Variants in PDP2 observed in about 807,000 individuals in gnomAD.
PDP2 encodes [Pyruvate dehydrogenase [acetyl-transferring]]-phosphatase 2, mitochondrial.
A neutral mutation model predicts 34.2 loss-of-function variants in PDP2; 23 were observed. That is an observed-to-expected ratio of 0.67 (90% confidence interval 0.48 to 0.95). The LOEUF (loss-of-function observed/expected upper bound fraction) is 0.95. Ranked by LOEUF, PDP2 falls within the 40% of genes least tolerant of loss-of-function variation. PDP2 has a pLI of 0.00. For synonymous variants in PDP2, 275 were observed against 269.2 expected, an observed-to-expected ratio of 1.02 and a Z score of -0.21; for missense variants, 571 against 659.6, an observed-to-expected ratio of 0.87 and a Z score of 1.47.
Position 66,884,494 on chromosome 16 carries a change from A to G in PDP2, c.210A>G (p.Glu70=). The G allele has an allele frequency of 6.2e-7, 1 of 1,614,208 alleles. No individual in the cohort carries two copies. The highest frequency in any genetic ancestry group is 8.5e-7 in the Non-Finnish European group (1 of 1,180,034). ...CCTACAGACACACATCAACAGAGGA[A>G]GATGATTTTCACTTGCAACTCAGCC... The part of the protein sequence containing the change: ...CKAYRHTSTE[E]DDFHLQLSPE... Residue 70 remains glutamate (E), a synonymous_variant, in exon 2 of 2, where the codon GAA becomes GAG. Coordinates refer to ENST00000311765, the MANE Select transcript of PDP2 (RefSeq NM_020786.4).
rs1410557907 is a variant in PDP2 at position 66,889,638 on chromosome 16, G to T, written c.*3764G>T. On this transcript the variant is annotated 3_prime_UTR_variant, in exon 2 of 2. Transcript: ENST00000311765. ...TATAACTGCATCTCTCTTGATTCTG[G>T]GGCTTGGTAAAAATGGATAGATAAG... 1 of 151,964 alleles carries T rather than the reference G, an allele frequency of 6.6e-6. No homozygotes were observed. Among genetic ancestry groups the T allele is most frequent in the African/African-American group, 2.4e-5 (1 of 41,366 alleles). The allele number at this position is 151,964 out of a possible 1,614,324, so 9.4% of individuals were successfully genotyped here.
Position 66,885,478 on chromosome 16 carries a change from C to T in PDP2, c.1194C>T (p.His398=). 6.2e-7 allele frequency: 1 copy of T among 1,614,028 alleles called. No homozygotes were observed. ...YLTAEPEVTY[H]RLRPQDKFLV... Reference sequence around the variant, plus strand: ...CTGCTGAGCCTGAGGTCACATACCACAGGCTGAGGCCCCAGGATAAGTTCC... The same window carrying T: ...CTGCTGAGCCTGAGGTCACATACCATAGGCTGAGGCCCCAGGATAAGTTCC... The change falls in exon 2 of 2, where the codon CAC becomes CAT. Residue 398 remains histidine (H), a synonymous_variant. Coordinates refer to ENST00000311765, the MANE Select transcript of PDP2 (RefSeq NM_020786.4). This position sits in a 1 kb window ranked among gnomAD's most constrained non-coding sequence, Gnocchi z 4.6.
Position 66,885,540 on chromosome 16 carries a change from G to A in PDP2, c.1256G>A (p.Ser419Asn), listed in dbSNP as rs1961721477. ...TCAGATGGCCTGTGGGACATGCTGA[G>A]CAATGAGGACGTGGTAAGGCTGGTG... is the stretch of plus-strand genomic sequence containing the variant. ...LASDGLWDML[S>N]NEDVVRLVVG... The change falls in exon 2 of 2, where the codon AGC becomes AAC. Residue 419 changes from serine to asparagine, a missense_variant. Transcript: ENST00000311765. This position sits in a 1 kb window ranked among gnomAD's most constrained non-coding sequence, Gnocchi z 4.6. 3.7e-6 allele frequency: 6 copies of A among 1,614,116 alleles called. No individual in the cohort carries two copies. Among genetic ancestry groups the A allele is most frequent in the Non-Finnish European group, 5.1e-6 (6 of 1,180,040 alleles).
In PDP2 at chr16:66,884,256, A is replaced by G; in HGVS notation, c.-29A>G. 1 of 1,497,990 alleles carries G rather than the reference A, an allele frequency of 6.7e-7. No homozygotes were observed. The allele number at this position is 1,497,990 out of a possible 1,614,324, so 92.8% of individuals were successfully genotyped here. A position where few individuals can be genotyped will look rare whatever the true frequency, so the allele number is the denominator to read the frequency against. On this transcript the variant is annotated 5_prime_UTR_variant, in exon 2 of 2. Transcript: ENST00000311765. ...GTTTAAAAATATCCTTTTTTGCTGA[A>G]GGAACACATTTGCTGGTATAGTTTC...
chr16:66,881,014 C>G (rs1320002671), intron 1 of PDP2, among the ~76,000 whole-genome samples: 2 of 152,238 alleles, frequency 1.3e-5, no homozygotes, highest in Non-Finnish European at 2.9e-5. Flanking sequence ...CCAAGCGGGT[C>G]GCCCGGGGGC....
Position 66,884,485 on chromosome 16 carries a change from A to G in PDP2, c.201A>G (p.Ser67=), listed in dbSNP as rs754202359. 6.2e-7 allele frequency: 1 copy of G among 1,614,170 alleles called. No homozygotes were observed. The change falls in exon 2 of 2, where the codon TCA becomes TCG. Residue 67 remains serine (S), a synonymous_variant. Coordinates refer to ENST00000311765, the MANE Select transcript of PDP2 (RefSeq NM_020786.4). ...TGTGCAAAGCCTACAGACACACATC[A>G]ACAGAGGAAGATGATTTTCACTTGC... ...FTLCKAYRHT[S]TEEDDFHLQL...
Position 66,885,975 on chromosome 16 carries a change from C to A in PDP2, c.*101C>A. The A allele has an allele frequency of 2.4e-6, 3 of 1,247,254 alleles. No individual in the cohort carries two copies. Among genetic ancestry groups the A allele is most frequent in the Non-Finnish European group, 3.4e-6 (3 of 891,574 alleles). 77.3% of individuals were successfully genotyped at this position (1,247,254 alleles called of 1,614,324 possible). On this transcript the variant is annotated 3_prime_UTR_variant, in exon 2 of 2. Transcript: ENST00000311765. This position sits in a 1 kb window ranked among gnomAD's most constrained non-coding sequence, Gnocchi z 4.6. Reference sequence around the variant, plus strand: ...CAAACCTTACTATTAAAAGCGCAGGCAGATTTAATTTGCTAAATAGACTAA... The same window carrying A: ...CAAACCTTACTATTAAAAGCGCAGGAAGATTTAATTTGCTAAATAGACTAA...
chr16:66,885,138 G>C lies in PDP2; in HGVS notation c.854G>C (p.Gly285Ala), dbSNP rs546151300. The C allele has an allele frequency of 6.2e-7, 1 of 1,613,972 alleles. No individual in the cohort carries two copies. The highest frequency in any genetic ancestry group is 1.1e-5 in the South Asian group (1 of 91,084). ...DGIHLHVANA[G>A]DCRAILGVQE... ...ATTCACTTGCACGTGGCAAATGCTG[G>C]TGACTGCCGAGCCATCCTTGGTGTC... is the stretch of plus-strand genomic sequence containing the variant. The change falls in exon 2 of 2, where the codon GGT (glycine) becomes GCT (alanine). Residue 285 changes from glycine (G) to alanine (A), a missense_variant. Physicochemically the swap from Gly to Ala is moderately conservative, Grantham distance 60. Coordinates refer to ENST00000311765, the MANE Select transcript of PDP2 (RefSeq NM_020786.4). The surrounding 1 kb of genome is among the most constrained non-coding windows in gnomAD (Gnocchi z 4.6).
Position 66,884,239 on chromosome 16 carries a change from AT to A in PDP2, c.-45del. The A allele has an allele frequency of 6.8e-7, 1 of 1,474,204 alleles. No individual in the cohort carries two copies. Among genetic ancestry groups the A allele is most frequent in the East Asian group, 2.3e-5 (1 of 43,554 alleles). The allele number at this position is 1,474,204 out of a possible 1,614,324, so 91.3% of individuals were successfully genotyped here. ...AACTTTTTAATTTTTAGGTTTAAAA[AT>A]ATCCTTTTTTGCTGAAGGAACACAT... On this transcript the variant is annotated 5_prime_UTR_variant, in exon 2 of 2. Coordinates refer to ENST00000311765, the MANE Select transcript of PDP2 (RefSeq NM_020786.4).
chr16:66,885,395 G>A lies in PDP2; in HGVS notation c.1111G>A (p.Glu371Lys), dbSNP rs373353424. The A allele has an allele frequency of 4.1e-5, 66 of 1,613,888 alleles. No homozygotes were observed. Among genetic ancestry groups the A allele is most frequent in the African/African-American group, 3.5e-4 (26 of 75,020 alleles). ...CATTCTGGAGAGGGGCTTCAATACCGAGGCCCTCAACATTTACCAGTTCAC... is the reference window on the plus strand; with the variant it reads ...CATTCTGGAGAGGGGCTTCAATACCAAGGCCCTCAACATTTACCAGTTCAC... ...RSILERGFNT[E>K]ALNIYQFTPP... The change falls in exon 2 of 2, where the codon GAG (glutamate) becomes AAG (lysine). Residue 371 changes from glutamate to lysine, a missense_variant. Glu to Lys is a moderately conservative substitution (Grantham distance 56). This residue lies in a region of PDP2 where 281 missense variants were observed against 375.8 expected (regional missense o/e 0.75). Transcript: ENST00000311765. The surrounding 1 kb of genome is among the most constrained non-coding windows in gnomAD (Gnocchi z 4.6).
At chr16:66,882,422 C>A (rs1961561347) in intron 1 of PDP2, among the ~76,000 whole-genome samples, 1 of 151,452 alleles carries the variant, frequency 6.6e-6, no homozygotes, top group South Asian at 2.1e-4. Flanking sequence ...GGGACAGAGC[C>A]AGGCTCCATC....
At chr16:66,882,493 G>A (rs930759632) in intron 1 of PDP2, among the ~76,000 whole-genome samples, 2 of 150,274 alleles carry the variant, frequency 1.3e-5, no homozygotes, top group Non-Finnish European at 3.0e-5. Context: ...ACTTAGAGGG[G>A]TATATACCTA....
rs1961628391 is a variant in PDP2 at position 66,884,126 on chromosome 16, A to G, written c.-54-105A>G. On this transcript the variant is annotated intron_variant, in intron 1 of 1. Transcript: ENST00000311765. ...GAGGCGGAGCTTGCAGTGAGCAGAG[A>G]TCACACCACTGCACTCCAGCCTGGG... 6.8e-6 allele frequency: 4 copies of G among 589,400 alleles called. No homozygotes were observed. In the South Asian group the frequency reaches 9.1e-5, roughly 13 times the overall value. The allele number at this position is 589,400 out of a possible 1,614,324, so 36.5% of individuals were successfully genotyped here. A position where few individuals can be genotyped will look rare whatever the true frequency, so the allele number is the denominator to read the frequency against.
At position 66,887,376 on chromosome 16, in the gene PDP2, A is replaced by G. The variant is rs868456357; in HGVS notation, c.*1502A>G. 1.8e-5 allele frequency: 3 copies of G among 167,114 alleles called. No individual in the cohort carries two copies. The highest frequency in any genetic ancestry group is 6.8e-3 in the Middle Eastern group (2 of 296). The allele number at this position is 167,114 out of a possible 1,614,324, so 10.4% of individuals were successfully genotyped here. On this transcript the variant is annotated 3_prime_UTR_variant, in exon 2 of 2. Coordinates refer to ENST00000311765, the MANE Select transcript of PDP2 (RefSeq NM_020786.4). ...AAAACCAACAATTTTATTTGCCTCT[A>G]CTACGTCAGGCAGAATTCTTCAATT...
At chr16:66,882,205 C>G (rs1365592804) in intron 1 of PDP2, among the ~76,000 whole-genome samples, 2 of 152,192 alleles carry the variant, frequency 1.3e-5, no homozygotes, top group Non-Finnish European at 2.9e-5. Flanking sequence ...GTAATCTCAG[C>G]ACTTTGGGAG....
At chr16:66,882,208 T>A (rs920932756) in intron 1 of PDP2, among the ~76,000 whole-genome samples, 1 of 152,204 alleles carries the variant, frequency 6.6e-6, no homozygotes, top group Non-Finnish European at 1.5e-5. Flanking sequence ...ATCTCAGCAC[T>A]TTGGGAGGCC....
rs892922188 is a variant in PDP2, at chr16:66,886,115, A to G, written c.*241A>G. 1.9e-5 allele frequency: 9 copies of G among 478,516 alleles called. No homozygotes were observed. The highest frequency in any genetic ancestry group is 3.5e-5 in the Non-Finnish European group (9 of 258,342). 29.6% of individuals were successfully genotyped at this position (478,516 alleles called of 1,614,324 possible). A position where few individuals can be genotyped will look rare whatever the true frequency, so the allele number is the denominator to read the frequency against. On this transcript the variant is annotated 3_prime_UTR_variant, in exon 2 of 2. Coordinates refer to ENST00000311765, the MANE Select transcript of PDP2 (RefSeq NM_020786.4). ...GCAGAGAGGACAGAGCATAAAGTCT[A>G]TAGAATTGGCTTGGGCTTGTGTAGC...
Position 66,884,288 on chromosome 16 carries a change from T to C in PDP2, c.4T>C (p.Ser2Pro). The change falls in exon 2 of 2, where the codon TCA (serine) becomes CCA (proline). Residue 2 changes from serine (S) to proline (P), a missense_variant. Ser to Pro is a moderately conservative substitution (Grantham distance 74, BLOSUM62 -1). Coordinates refer to ENST00000311765, the MANE Select transcript of PDP2 (RefSeq NM_020786.4). ...CATTTGCTGGTATAGTTTCAGAATGTCAAGTACTGTGTCCTACTGGATCTT... is the reference window on the plus strand; with the variant it reads ...CATTTGCTGGTATAGTTTCAGAATGCCAAGTACTGTGTCCTACTGGATCTT... M[S>P]STVSYWILNS... 2 of 1,593,390 alleles carry C rather than the reference T, an allele frequency of 1.3e-6. No individual in the cohort carries two copies. Among genetic ancestry groups the C allele is most frequent in the Non-Finnish European group, 1.7e-6 (2 of 1,168,754 alleles).
intron 1 of PDP2, among the ~76,000 whole-genome samples, chr16:66,883,569 G>A (rs1961604383): frequency 2.0e-5 from 3 of 152,094 alleles, no homozygotes; most frequent in Non-Finnish European, 4.4e-5. Context: ...CTCCCAAGTA[G>A]CTGTGACTAT....
Sources: gnomAD v4.1 joint callset for allele counts (sites outside exome capture counted in the v4.1 genomes callset) on GRCh38, gnomAD v4.1.1 for gene constraint, gnomAD v4.1.1 regional missense constraint, Gnocchi (gnomAD v3.1) non-coding constraint, MANE v1.5 for transcripts, NCBI Gene and HGNC (gene_info 2026-07-23, HGNC 2026-07-21) for gene names.